Variants in USP9X observed in about 807,000 individuals in gnomAD.
USP9X encodes the protein ubiquitin carboxyl-terminal hydrolase 9X.
In USP9X, 7 loss-of-function variants were observed where a neutral mutation model predicts 190.3. That is an observed-to-expected ratio of 0.04 (90% CI 0.02 to 0.07). The LOEUF (loss-of-function observed/expected upper bound fraction) is 0.07. Among genes scored for constraint, USP9X ranks in the 10% least tolerant of loss-of-function variants. The pLI, the probability that USP9X is intolerant of heterozygous loss-of-function variation, is 1.00. For synonymous variants in USP9X, 645 were observed against 659.5 expected, an observed-to-expected ratio of 0.98 and a Z score of 0.34; for missense variants, 1,010 against 1,916.9, an observed-to-expected ratio of 0.53 and a Z score of 8.83.
At chrX:41,098,185 G>A (rs2062006893) in intron 1 of USP9X, among the ~76,000 whole-genome samples, 1 of 104,936 alleles carries the variant, frequency 9.5e-6, no homozygotes, top group African/African-American at 3.5e-5. Flanking sequence ...CTGTTGCCCA[G>A]GCTGGAGTGC....
chrX:41,172,063 A>G (rs1292432909), intron 21 of USP9X, 105 bp downstream of exon 21: 8 of 918,785 alleles, frequency 8.7e-6, no homozygotes, highest in Admixed American at 6.1e-5. Flanking sequence ...GACTATAACA[A>G]GAGTTGACAG....
chrX:41,145,712 T>C (rs1274623042), intron 11 of USP9X, among the ~76,000 whole-genome samples: 1 of 111,910 alleles, frequency 8.9e-6, no homozygotes, highest in South Asian at 3.7e-4. Flanking sequence ...GGTGTTCACA[T>C]TGTGTACTGT....
Position 41,170,247 on chromosome X carries a change from T to C in USP9X, c.2877+12T>C. On this transcript the variant is annotated intron_variant, in intron 19 of 44. Coordinates refer to ENST00000378308, the MANE Select transcript of USP9X (RefSeq NM_001039591.3). Reference sequence around the variant, plus strand: ...TAAAAGATAAATCGGTATGTATGTATAGTTAACAGATTTTTCAATAAAATC... The same window carrying C: ...TAAAAGATAAATCGGTATGTATGTACAGTTAACAGATTTTTCAATAAAATC... 2 of 1,194,553 alleles carry C rather than the reference T, an allele frequency of 1.7e-6. No individual in the cohort carries two copies. Among genetic ancestry groups the C allele is most frequent in the Non-Finnish European group, 2.3e-6 (2 of 884,396 alleles).
At chrX:41,178,119 C>T (rs560702999) in intron 21 of USP9X, among the ~76,000 whole-genome samples, 1 of 42,994 alleles carries the variant, frequency 2.3e-5, no homozygotes, top group African/African-American at 1.0e-4. Context: ...TTTTTTGAGA[C>T]GGAGATTTTG....
At chrX:41,140,855 G>A in intron 7 of USP9X, 84 bp downstream of exon 7, 1 of 1,087,644 alleles carries the variant, frequency 9.2e-7, no homozygotes, top group Non-Finnish European at 1.2e-6. Context: ...TTCAAGTGTG[G>A]TTTCTTCAAC....
chrX:41,110,469 T>C (rs1287220003), intron 1 of USP9X, among the ~76,000 whole-genome samples: 2 of 111,635 alleles, frequency 1.8e-5, no homozygotes, highest in African/African-American at 6.5e-5. Context: ...CTGACATTAT[T>C]GATGTATGGT....
chrX:41,120,899 C>T (rs770512422), intron 1 of USP9X, among the ~76,000 whole-genome samples: 68 of 104,740 alleles, frequency 6.5e-4, no homozygotes, highest in African/African-American at 2.3e-3. Context: ...AGTGCAGTGG[C>T]CCCATTTCAT....
intron 11 of USP9X, among the ~76,000 whole-genome samples, chrX:41,146,842 G>A (rs1371568447): frequency 9.3e-6 from 1 of 108,084 alleles, no homozygotes; most frequent in Non-Finnish European, 1.9e-5. Flanking sequence ...CTTAATGGTT[G>A]TACTGGTTGA....
chrX:41,210,425 C>CT (rs1277815506), intron 32 of USP9X, 84 bp from the exon 33 acceptor site: 132 of 1,030,275 alleles, frequency 1.3e-4, no homozygotes, highest in Non-Finnish European at 1.6e-4. Flanking sequence ...GGTCTTGTTG[C>CT]TTTTTTTTCC....
At chrX:41,209,068 A>G (rs776059801) in intron 32 of USP9X, among the ~76,000 whole-genome samples, 66 of 111,938 alleles carry the variant, frequency 5.9e-4, no homozygotes, top group African/African-American at 1.9e-3. Flanking sequence ...ATACTTCAAC[A>G]TATATCTTAT....
chrX:41,124,751 G>A (rs893379168), intron 2 of USP9X, among the ~76,000 whole-genome samples: 3 of 111,408 alleles, frequency 2.7e-5, no homozygotes, highest in East Asian at 2.8e-4. Flanking sequence ...GTTGCCTAGC[G>A]TTCAAATTTC....
At chrX:41,134,397 A>G (rs933557652) in intron 4 of USP9X, among the ~76,000 whole-genome samples, 1 of 112,477 alleles carries the variant, frequency 8.9e-6, no homozygotes, top group Non-Finnish European at 1.9e-5. Flanking sequence ...TTGATGCTAA[A>G]TGAATGATTT....
At position 41,198,648 on chromosome X, in the gene USP9X, G is replaced by T; in HGVS notation, c.4501G>T (p.Gly1501Cys). 1 of 1,211,393 alleles carries T rather than the reference G, an allele frequency of 8.3e-7. No homozygotes were observed. The highest frequency in any genetic ancestry group is 1.1e-6 in the Non-Finnish European group (1 of 895,236). The part of the protein sequence containing the change: ...VCGSPPTINA[G>C]FELLVALAVG... ...TGGTTCACCACCTACAATTAATGCTGGTTTTGAATTACTTGTAGCATTAGC... is the reference window on the plus strand; with the variant it reads ...TGGTTCACCACCTACAATTAATGCTTGTTTTGAATTACTTGTAGCATTAGC... The change falls in exon 30 of 45, where the codon GGT becomes TGT. Residue 1501 changes from glycine (G) to cysteine (C), a missense_variant. Coordinates refer to ENST00000378308, the MANE Select transcript of USP9X (RefSeq NM_001039591.3).
intron 14 of USP9X, among the ~76,000 whole-genome samples, chrX:41,159,446 G>A (rs186997549): frequency 9.0e-6 from 1 of 111,699 alleles, no homozygotes; most frequent in African/African-American, 3.2e-5. Flanking sequence ...ACATAAATCT[G>A]TACAACATGA....
chrX:41,111,845 T>TTA (rs1491535648), intron 1 of USP9X, among the ~76,000 whole-genome samples: 1 of 21,910 alleles, frequency 4.6e-5, no homozygotes, highest in East Asian at 2.3e-3. Flanking sequence ...TCTTTGAAGA[T>TTA]TTTTTTTTTT....
intron 4 of USP9X, among the ~76,000 whole-genome samples, chrX:41,134,062 A>T (rs17249165): frequency 0.13 from 14,963 of 111,874 alleles, 899 homozygotes; most frequent in East Asian, 0.22. Context: ...TTCAGTGGAC[A>T]TGTATTCCTC....
chrX:41,216,342 C>T lies in USP9X; in HGVS notation c.5775C>T (p.Tyr1925=), dbSNP rs1317790871. 1 of 1,209,643 alleles carries T rather than the reference C, an allele frequency of 8.3e-7. No individual in the cohort carries two copies. The highest frequency in any genetic ancestry group is 1.1e-6 in the Non-Finnish European group (1 of 895,234). ...EMKNQCFGGE[Y]MGEVFDHMMK... ...AAAACCAGTGTTTTGGTGGAGAGTA[C>T]ATGGGAGAAGTGTTTGATCACATGA... Residue 1925 remains tyrosine, a synonymous_variant, in exon 35 of 45, where the codon TAC becomes TAT. Transcript: ENST00000378308.
At chrX:41,166,279 G>A in intron 16 of USP9X, 65 bp downstream of exon 16, 1 of 825,471 alleles carries the variant, frequency 1.2e-6, no homozygotes, top group Non-Finnish European at 1.7e-6. Context: ...GTAAGGAATT[G>A]TAATTTTGCA....
chrX:41,152,698 A>G (rs756089226), intron 13 of USP9X, among the ~76,000 whole-genome samples: 1 of 112,077 alleles, frequency 8.9e-6, no homozygotes, highest in South Asian at 3.7e-4. Context: ...TTAGTCATTG[A>G]GGTATACTCC....
Sources: gnomAD v4.1 joint callset for allele counts (sites outside exome capture counted in the v4.1 genomes callset) on GRCh38, gnomAD v4.1.1 for gene constraint, MANE v1.5 for transcripts, NCBI Gene and HGNC (gene_info 2026-07-23, HGNC 2026-07-21) for gene names.